Variants in PCBP3 observed in about 807,000 individuals in gnomAD.
PCBP3 encodes the protein poly(rC) binding protein 3, also known as poly(rC)-binding protein 3.
Under a neutral mutation model 52.7 loss-of-function variants are expected in PCBP3, and 25 were observed. That is an observed-to-expected ratio of 0.47 (90% CI 0.35 to 0.66). The LOEUF (loss-of-function observed/expected upper bound fraction) is 0.66, where lower values mean the gene tolerates loss of function less well. Ranked by LOEUF, PCBP3 falls within the 30% of genes least tolerant of loss-of-function variation. PCBP3 has a pLI of 0.01. For synonymous variants in PCBP3, 162 were observed against 183.0 expected (o/e 0.89, Z 0.93); for missense variants, 391 against 490.3 (o/e 0.80, Z 1.91).
chr21:45,766,298 T>C (rs1268735583), intron 4 of PCBP3, among the ~76,000 whole-genome samples: 3 of 152,224 alleles, frequency 2.0e-5, no homozygotes, highest in Admixed American at 2.0e-4. Context: ...GTTCACGTGT[T>C]GAAGCCCAAA....
At chr21:45,792,958 A>T (rs2091705043) in intron 4 of PCBP3, among the ~76,000 whole-genome samples, 1 of 152,218 alleles carries the variant, frequency 6.6e-6, no homozygotes, top group Non-Finnish European at 1.5e-5. Context: ...TGCAGTCCAA[A>T]GACACCCCTC....
intron 2 of PCBP3, among the ~76,000 whole-genome samples, chr21:45,725,739 G>C (rs2084978879): frequency 6.6e-6 from 1 of 152,054 alleles, no homozygotes; most frequent in South Asian, 2.1e-4. Context: ...GAGTGGCTGA[G>C]GGGCTGCCTG....
intron 1 of PCBP3, among the ~76,000 whole-genome samples, chr21:45,645,231 G>C (rs1426899174): frequency 1.9e-5 from 1 of 53,644 alleles, no homozygotes; most frequent in African/African-American, 9.5e-5. Context: ...TCTCACTTTC[G>C]AGCAGTATTT....
intron 4 of PCBP3, among the ~76,000 whole-genome samples, chr21:45,774,894 G>A (rs1364575076): frequency 2.0e-5 from 3 of 152,098 alleles, no homozygotes; most frequent in Admixed American, 2.0e-4. Context: ...TTTTTCTGAT[G>A]TGCTGTTGGA....
chr21:45,863,021 ACC>A (rs902144179), intron 5 of PCBP3, among the ~76,000 whole-genome samples: 1 of 151,798 alleles, frequency 6.6e-6, no homozygotes, highest in African/African-American at 2.4e-5. Flanking sequence ...AGGCCTTTCC[ACC>A]CCACCTACCT....
intron 13 of PCBP3, among the ~76,000 whole-genome samples, chr21:45,929,037 C>G (rs1395053241): frequency 2.6e-5 from 4 of 152,216 alleles, no homozygotes; most frequent in African/African-American, 9.7e-5. Context: ...GCCCTGGGCT[C>G]TCCAAAGGGT....
chr21:45,784,980 G>A (rs1429726980), intron 4 of PCBP3, among the ~76,000 whole-genome samples: 4 of 150,896 alleles, frequency 2.7e-5, no homozygotes, highest in African/African-American at 9.8e-5. Context: ...AGTGAGGAGC[G>A]TCTCTGCCCG....
rs1424557844 is a variant in PCBP3, at chr21:45,788,785, A to G, written c.-126+33333A>G. 3 of 152,228 alleles carry G rather than the reference A, an allele frequency of 2.0e-5. No homozygotes were observed. The highest frequency in any genetic ancestry group is 4.4e-5 in the Non-Finnish European group (3 of 68,052). The allele number at this position is 152,228 out of a possible 1,614,324, so 9.4% of individuals were successfully genotyped here. A position where few individuals can be genotyped will look rare whatever the true frequency, so the allele number is the denominator to read the frequency against. On this transcript the variant is annotated intron_variant, in intron 4 of 17. Transcript: ENST00000681687. The surrounding 1 kb of genome is among the most constrained non-coding windows in gnomAD (Gnocchi z 4.3). ...AAAAAAAAGTTGTATTTCTTAAACA[A>G]CATGATCTGGAGTATGTGGTGACTG...
At chr21:45,688,119 A>G (rs1431864950) in intron 2 of PCBP3, among the ~76,000 whole-genome samples, 1 of 152,228 alleles carries the variant, frequency 6.6e-6, no homozygotes, top group African/African-American at 2.4e-5. Context: ...TTTAAAATAC[A>G]TGAAACAGAA....
chr21:45,745,170 G>C (rs1248490739), intron 3 of PCBP3, among the ~76,000 whole-genome samples: 1 of 152,182 alleles, frequency 6.6e-6, no homozygotes, highest in Admixed American at 6.5e-5. Context: ...GAGTTTGTGG[G>C]GAGCAGACAG....
chr21:45,911,517 A>C (rs538797608), intron 11 of PCBP3, among the ~76,000 whole-genome samples: 102 of 152,318 alleles, frequency 6.7e-4, no homozygotes, highest in Non-Finnish European at 1.2e-3. Flanking sequence ...TACAAAACTC[A>C]TGCAGAAGTA....
intron 3 of PCBP3, among the ~76,000 whole-genome samples, chr21:45,747,832 C>T (rs1289030571): frequency 1.3e-5 from 2 of 152,228 alleles, no homozygotes; most frequent in Non-Finnish European, 2.9e-5. Flanking sequence ...TCTTTCCTCC[C>T]TCCTCTGAGT....
chr21:45,759,298 C>CTTG (rs577318765), intron 4 of PCBP3, among the ~76,000 whole-genome samples: 4 of 152,016 alleles, frequency 2.6e-5, no homozygotes, highest in Admixed American at 6.5e-5. Flanking sequence ...CCTGGAGTTT[C>CTTG]TTGTTGTTGT....
chr21:45,810,828 C>T lies in PCBP3; in HGVS notation c.-125-39133C>T, dbSNP rs369451098. ...CGGGAAGGTATTTGACAACAACTTT[C>T]ATTTTTTAGTTTCTATAGAGATATT... On this transcript the variant is annotated intron_variant, in intron 4 of 17. Transcript: ENST00000681687. Among the ~76,000 whole-genome samples, 139 of 152,252 alleles carry T rather than the reference C, an allele frequency of 9.1e-4. 3 individuals carry two copies. The South Asian group carries it at 0.028, about 31-fold the overall frequency.
chr21:45,697,902 T>G (rs1284571194), intron 2 of PCBP3, among the ~76,000 whole-genome samples: 1 of 152,146 alleles, frequency 6.6e-6, no homozygotes, highest in Non-Finnish European at 1.5e-5. Context: ...CTCTGTTGTG[T>G]GAGCCTCATA....
intron 4 of PCBP3, among the ~76,000 whole-genome samples, chr21:45,786,954 C>T (rs1281155229): frequency 6.6e-6 from 1 of 152,212 alleles, no homozygotes; most frequent in Non-Finnish European, 1.5e-5. Flanking sequence ...GTGCAGCCTG[C>T]TGGGATGGAA....
intron 4 of PCBP3, among the ~76,000 whole-genome samples, chr21:45,767,929 C>G (rs1481039086): frequency 1.3e-5 from 2 of 152,260 alleles, no homozygotes; most frequent in Non-Finnish European, 2.9e-5. Context: ...GGCACAGATC[C>G]TGCTGTTGTT....
chr21:45,834,935 A>G (rs2093546216), intron 4 of PCBP3, among the ~76,000 whole-genome samples: 2 of 152,178 alleles, frequency 1.3e-5, no homozygotes, highest in African/African-American at 4.8e-5. Flanking sequence ...GAGTCCCTCA[A>G]AGCGCTGCTG....
At chr21:45,803,646 G>A (rs570955537) in intron 4 of PCBP3, among the ~76,000 whole-genome samples, 2 of 152,322 alleles carry the variant, frequency 1.3e-5, no homozygotes, top group African/African-American at 4.8e-5. Context: ...GCCCTGCACA[G>A]TGCTTGGCTC....
Sources: allele counts gnomAD v4.1 joint callset (sites outside exome capture counted in the v4.1 genomes callset), GRCh38; gene constraint gnomAD v4.1.1; non-coding constraint Gnocchi (gnomAD v3.1); transcripts MANE v1.5; gene names NCBI Gene and HGNC (gene_info 2026-07-23, HGNC 2026-07-21).